The following FIRRM variants were observed in gnomAD, a reference collection of about 807,000 sequenced individuals.
The protein encoded by FIRRM is FIGNL1 interacting regulator of recombination and mitosis, also known as FIGNL1-interacting regulator of recombination and mitosis.
chr1:169,811,745 T>TTATC, the FIRRM span, among the ~76,000 whole-genome samples: 116 of 144,622 alleles, frequency 8.0e-4, 1 homozygote, highest in African/African-American at 3.0e-3. Flanking sequence ...AATAGACAGA[T>TTATC]TATCTAAATA....
chr1:169,849,513 C>T, the FIRRM span: 5 of 1,613,188 alleles, frequency 3.1e-6, no homozygotes, highest in African/African-American at 1.3e-5. Flanking sequence ...AGAATTCTGC[C>T]CAACCTGTCC....
At chr1:169,825,272 C>T in the FIRRM span, among the ~76,000 whole-genome samples, 1 of 152,210 alleles carries the variant, frequency 6.6e-6, no homozygotes, top group African/African-American at 2.4e-5. Flanking sequence ...CTTCTCTGCT[C>T]AACCCCTCAA....
the FIRRM span, among the ~76,000 whole-genome samples, chr1:169,841,613 T>C: frequency 1.3e-5 from 2 of 152,228 alleles, no homozygotes; most frequent in African/African-American, 4.8e-5. Flanking sequence ...CAGAAAACAT[T>C]GCCTTTAGTT....
the FIRRM span, among the ~76,000 whole-genome samples, chr1:169,828,900 T>C: frequency 2.0e-5 from 3 of 152,198 alleles, no homozygotes; most frequent in African/African-American, 2.4e-5. Flanking sequence ...TCTTCAACCA[T>C]TTTAATCTTA....
At chr1:169,805,333 G>A in the FIRRM span, among the ~76,000 whole-genome samples, 1 of 152,244 alleles carries the variant, frequency 6.6e-6, no homozygotes, top group South Asian at 2.1e-4. Context: ...AGAGGCAGAA[G>A]TACTTGAGAA....
At chr1:169,843,772 A>C in the FIRRM span, 1 of 1,550,696 alleles carries the variant, frequency 6.4e-7, no homozygotes, top group Non-Finnish European at 8.9e-7. Flanking sequence ...TACTTCAGGT[A>C]AGAATAATGA....
At chr1:169,815,927 C>T in the FIRRM span, among the ~76,000 whole-genome samples, 1 of 152,142 alleles carries the variant, frequency 6.6e-6, no homozygotes. Flanking sequence ...GATGATATTC[C>T]TGCCTAACTA....
the FIRRM span, among the ~76,000 whole-genome samples, chr1:169,790,891 C>A: frequency 6.6e-6 from 1 of 152,070 alleles, no homozygotes; most frequent in South Asian, 2.1e-4. Flanking sequence ...CACCAGGGAC[C>A]AGTTTTGTGG....
chr1:169,800,897 A>G, the FIRRM span: 3 of 1,572,266 alleles, frequency 1.9e-6, no homozygotes, highest in Non-Finnish European at 8.7e-7. Flanking sequence ...TTTGAAAATT[A>G]TTGTAGAAAT....
chr1:169,807,338 G>T, the FIRRM span, among the ~76,000 whole-genome samples: 1 of 152,100 alleles, frequency 6.6e-6, no homozygotes, highest in Admixed American at 6.6e-5. Context: ...CTTACCCTAA[G>T]ATTAAGTTAG....
chr1:169,795,339 T>C, the FIRRM span: 5 of 1,413,460 alleles, frequency 3.5e-6, no homozygotes, highest in South Asian at 5.8e-5. Context: ...CCCCCTCTTT[T>C]CTTTGTCAGT....
chr1:169,795,029 G>A, the FIRRM span: 1 of 1,184,364 alleles, frequency 8.4e-7, no homozygotes, highest in African/African-American at 1.5e-5. Flanking sequence ...GAGCGCGCAA[G>A]GGTTGGCGGG....
the FIRRM span, among the ~76,000 whole-genome samples, chr1:169,813,522 A>T: frequency 6.6e-6 from 1 of 152,194 alleles, no homozygotes; most frequent in Non-Finnish European, 1.5e-5. Context: ...GTTTTGATTT[A>T]TTTTGGGGGT....
chr1:169,790,477 T>G, the FIRRM span, among the ~76,000 whole-genome samples: 55 of 152,138 alleles, frequency 3.6e-4, no homozygotes, highest in African/African-American at 1.1e-3. Context: ...TGAGCCACCA[T>G]GCCTGGCCCC....
At chr1:169,794,217 G>C in the FIRRM span, among the ~76,000 whole-genome samples, 7 of 152,200 alleles carry the variant, frequency 4.6e-5, no homozygotes, top group African/African-American at 1.7e-4. Flanking sequence ...CTGTCTTTCA[G>C]CTGTCTTGAT....
chr1:169,832,529 TCA>T, the FIRRM span: 5 of 1,559,082 alleles, frequency 3.2e-6, no homozygotes, highest in Non-Finnish European at 4.4e-6. Flanking sequence ...ATCATCTTTG[TCA>T]CTGTCTGTGA....
At chr1:169,812,098 C>G in the FIRRM span, among the ~76,000 whole-genome samples, 1 of 152,088 alleles carries the variant, frequency 6.6e-6, no homozygotes, top group African/African-American at 2.4e-5. Context: ...TGTTATTTAC[C>G]TGCTTTTTGA....
At chr1:169,797,119 C>A in the FIRRM span, among the ~76,000 whole-genome samples, 1 of 152,202 alleles carries the variant, frequency 6.6e-6, no homozygotes, top group African/African-American at 2.4e-5. Flanking sequence ...CCCTCAGCAC[C>A]TAGAACAGTG....
chr1:169,843,692 G>A, the FIRRM span: 1 of 1,612,716 alleles, frequency 6.2e-7, no homozygotes, highest in Admixed American at 1.7e-5. Context: ...TCAACCTTAT[G>A]TTCAACAGAC....
Sources: gnomAD v4.1 joint callset for allele counts (sites outside exome capture counted in the v4.1 genomes callset) on GRCh38, gnomAD v4.1.1 for gene constraint, MANE v1.5 for transcripts, NCBI Gene and HGNC (gene_info 2026-07-23, HGNC 2026-07-21) for gene names.